The following CUBN variants were observed in gnomAD, a reference collection of about 807,000 sequenced individuals.
The protein encoded by CUBN is cubilin.
In CUBN, 282 loss-of-function variants were observed where a neutral mutation model predicts 405.3. The observed-to-expected ratio is 0.70, with a 90% CI of 0.63 to 0.77. CUBN has a LOEUF of 0.77. Among genes scored for constraint, CUBN ranks in the 30% least tolerant of loss-of-function variants. The pLI, the probability that CUBN is intolerant of heterozygous loss-of-function variation, is 0.00. For synonymous variants in CUBN, 1,684 were observed against 1,617.0 expected (o/e 1.04, Z -0.99); for missense variants, 4,514 against 4,475.2 (o/e 1.01, Z -0.25).
chr10:16,902,133 A>T (rs1841407027), intron 51 of CUBN, among the ~76,000 whole-genome samples: 3 of 136,932 alleles, frequency 2.2e-5, no homozygotes, highest in Non-Finnish European at 4.6e-5. Context: ...ATATATATAC[A>T]CACTATATAT....
chr10:17,060,816 T>A (rs1428026352), intron 22 of CUBN, among the ~76,000 whole-genome samples: 1 of 152,070 alleles, frequency 6.6e-6, no homozygotes, highest in African/African-American at 2.4e-5. Flanking sequence ...TTTGGGAGGC[T>A]GAGGCGGGGG....
chr10:16,831,838 G>A (rs1839005718), intron 64 of CUBN, among the ~76,000 whole-genome samples: 1 of 145,646 alleles, frequency 6.9e-6, no homozygotes, highest in Non-Finnish European at 1.5e-5. Flanking sequence ...CTCATTGTGT[G>A]TGTGTTTGTG....
At chr10:16,859,968 T>A (rs2131351456) in intron 59 of CUBN, among the ~76,000 whole-genome samples, 1 of 152,288 alleles carries the variant, frequency 6.6e-6, no homozygotes, top group South Asian at 2.1e-4. Context: ...TATAACATGA[T>A]AAAAGTATCA....
intron 31 of CUBN, among the ~76,000 whole-genome samples, chr10:16,970,271 G>T (rs1843514562): frequency 6.6e-6 from 1 of 152,182 alleles, no homozygotes; most frequent in East Asian, 1.9e-4. Context: ...ATCAGATATA[G>T]AAGTGAAAGT....
chr10:16,903,907 G>A, intron 51 of CUBN, 59 bp downstream of exon 51: 1 of 255,554 alleles, frequency 3.9e-6, no homozygotes, highest in Non-Finnish European at 6.3e-6. Context: ...AAATCTTTAT[G>A]GAAAAAAATC....
At chr10:16,893,515 CCA>C (rs1489126038) in intron 54 of CUBN, among the ~76,000 whole-genome samples, 3 of 152,082 alleles carry the variant, frequency 2.0e-5, no homozygotes, top group African/African-American at 7.2e-5. Context: ...TTGTTTATAA[CCA>C]CACACAATTT....
In CUBN at chr10:16,843,199, A is replaced by G. The variant is rs549413094; in HGVS notation, c.9664-2152T>C. On this transcript the variant is annotated intron_variant, in intron 60 of 66. Transcript: ENST00000377833. ...TCCCAACCATGGCTCCCTTCTAGAA[A>G]CATCCATCGAAATAGTGGGTGCTTG... is the stretch of plus-strand genomic sequence containing the variant. Among the ~76,000 whole-genome samples the G allele has an allele frequency of 2.0e-5, 3 of 152,298 alleles. No individual in the cohort carries two copies. In the South Asian group the frequency reaches 6.2e-4, roughly 32 times the overall value.
intron 59 of CUBN, among the ~76,000 whole-genome samples, chr10:16,865,403 A>T (rs1000526333): frequency 6.6e-6 from 1 of 152,104 alleles, no homozygotes; most frequent in African/African-American, 2.4e-5. Context: ...CTCAGTCTCC[A>T]TGTGACAAAT....
At chr10:16,960,435 T>G (rs1843184033) in intron 31 of CUBN, among the ~76,000 whole-genome samples, 1 of 152,146 alleles carries the variant, frequency 6.6e-6, no homozygotes, top group South Asian at 2.1e-4. Context: ...GAGGCTACAA[T>G]GAGTGGAGAT....
chr10:17,087,429 G>A (rs1836136630), intron 15 of CUBN, among the ~76,000 whole-genome samples: 1 of 145,498 alleles, frequency 6.9e-6, no homozygotes, highest in South Asian at 2.2e-4. Flanking sequence ...TTTATTCCAG[G>A]AACCTAACCC....
chr10:16,893,569 T>C (rs1410373064), intron 54 of CUBN, among the ~76,000 whole-genome samples: 2 of 152,210 alleles, frequency 1.3e-5, no homozygotes, highest in South Asian at 2.1e-4. Flanking sequence ...CTCTCTGCTT[T>C]CCATTTCTAA....
chr10:16,835,989 A>T (rs1223698458), intron 63 of CUBN, among the ~76,000 whole-genome samples: 2 of 152,320 alleles, frequency 1.3e-5, no homozygotes, highest in East Asian at 3.9e-4. Context: ...TCAACTACAT[A>T]TACTTTGAAG....
At chr10:16,836,645 T>G (rs1483583822) in intron 62 of CUBN, among the ~76,000 whole-genome samples, 1 of 152,234 alleles carries the variant, frequency 6.6e-6, no homozygotes, top group Non-Finnish European at 1.5e-5. Flanking sequence ...ATCCCTCGCC[T>G]TTTATGCAAC....
intron 38 of CUBN, among the ~76,000 whole-genome samples, chr10:16,938,301 T>C (rs1842572403): frequency 6.6e-6 from 1 of 152,206 alleles, no homozygotes; most frequent in South Asian, 2.1e-4. Context: ...TCAAAGCACT[T>C]AGTAAATCTC....
chr10:16,862,538 C>T (rs1389483341), intron 59 of CUBN, among the ~76,000 whole-genome samples: 1 of 152,164 alleles, frequency 6.6e-6, no homozygotes, highest in African/African-American at 2.4e-5. Flanking sequence ...GCAAAATGTA[C>T]AGCTACCATG....
intron 31 of CUBN, among the ~76,000 whole-genome samples, chr10:16,963,193 T>TC (rs1414730700): frequency 3.3e-5 from 3 of 90,228 alleles, no homozygotes; most frequent in South Asian, 7.8e-4. Flanking sequence ...TTTTCTTTTT[T>TC]TTCTTTTTTT....
rs1477314340 is a variant in CUBN, at chr10:17,129,759, T to C, written c.7A>G (p.Asn3Asp). Residue 3 changes from asparagine to aspartate, a missense_variant, in exon 1 of 67, where the codon AAC becomes GAC. Coordinates refer to ENST00000377833, the MANE Select transcript of CUBN (RefSeq NM_001081.4). ...CTCCAAAGAAAAGGTAAAGACATGTTCATCATCAACCTCCCAGGTTGGCAG... is the reference window on the plus strand; with the variant it reads ...CTCCAAAGAAAAGGTAAAGACATGTCCATCATCAACCTCCCAGGTTGGCAG... MM[N>D]MSLPFLWSLL... The C allele has an allele frequency of 6.2e-7, 1 of 1,614,084 alleles. No homozygotes were observed. The highest frequency in any genetic ancestry group is 1.6e-4 in the Middle Eastern group (1 of 6,062).
chr10:16,883,029 G>A (rs1325098520), intron 56 of CUBN, among the ~76,000 whole-genome samples: 1 of 145,608 alleles, frequency 6.9e-6, no homozygotes, highest in Non-Finnish European at 1.5e-5. Context: ...GAAAAGAAAA[G>A]AAAGGAAGGA....
chr10:17,087,220 A>G (rs1053574083), intron 15 of CUBN, among the ~76,000 whole-genome samples: 2 of 152,210 alleles, frequency 1.3e-5, no homozygotes, highest in African/African-American at 4.8e-5. Context: ...GTGATAAAAA[A>G]TACAGGACAA....
Sources: gnomAD v4.1 joint callset for allele counts (sites outside exome capture counted in the v4.1 genomes callset) on GRCh38, gnomAD v4.1.1 for gene constraint, MANE v1.5 for transcripts, NCBI Gene and HGNC (gene_info 2026-07-23, HGNC 2026-07-21) for gene names.